Variants in CNTNAP2 observed in about 807,000 individuals in gnomAD.
CNTNAP2 encodes contactin-associated protein-like 2.
CNTNAP2 carries 98 observed loss-of-function variants against 155.2 expected under a neutral mutation model. The observed-to-expected ratio is 0.63, with a 90% CI of 0.54 to 0.75. CNTNAP2 has a LOEUF of 0.75. CNTNAP2 is among the 30% of genes least tolerant of loss of function. The probability of loss-of-function intolerance (pLI) is 0.00; values close to 1 mark genes in which losing one functional copy is unlikely to be tolerated. For missense variants in CNTNAP2, 1,727 were observed against 1,688.1 expected, an observed-to-expected ratio of 1.02 and a Z score of -0.40; for synonymous variants, 651 against 631.2, an observed-to-expected ratio of 1.03 and a Z score of -0.47.
At chr7:147,965,213 A>G (rs1652066720) in intron 14 of CNTNAP2, among the ~76,000 whole-genome samples, 1 of 152,176 alleles carries the variant, frequency 6.6e-6, no homozygotes, top group Non-Finnish European at 1.5e-5. Context: ...ACAAAGTTCT[A>G]TGCTGCCTAT....
At chr7:147,193,680 G>A (rs528698253) in intron 8 of CNTNAP2, among the ~76,000 whole-genome samples, 2 of 152,104 alleles carry the variant, frequency 1.3e-5, no homozygotes, top group Non-Finnish European at 2.9e-5. Flanking sequence ...AGAAACAAGA[G>A]CCAGGAAATA....
Position 148,006,256 on chromosome 7 carries a change from T to C in CNTNAP2, c.2383+28267T>C, listed in dbSNP as rs188132114. Among the ~76,000 whole-genome samples the C allele has an allele frequency of 2.0e-5, 3 of 151,532 alleles. No homozygotes were observed. In the East Asian group the frequency reaches 5.8e-4, roughly 29 times the overall value. On this transcript the variant is annotated intron_variant, in intron 15 of 23. Coordinates refer to ENST00000361727, the MANE Select transcript of CNTNAP2 (RefSeq NM_014141.6). ...ATAGAGAATATGAAAGAAAAAACAA[T>C]ACTCTGTGAGAAATAGCCTAGTAGC...
chr7:146,981,044 TGTA>T (rs1798005519), intron 3 of CNTNAP2, among the ~76,000 whole-genome samples: 1 of 152,134 alleles, frequency 6.6e-6, no homozygotes, highest in African/African-American at 2.4e-5. Flanking sequence ...AGCCAAAAAA[TGTA>T]GTTGGTAGAA....
intron 1 of CNTNAP2, among the ~76,000 whole-genome samples, chr7:146,469,338 C>A (rs2129126259): frequency 6.6e-6 from 1 of 151,852 alleles, no homozygotes; most frequent in South Asian, 2.1e-4. Context: ...GTCCCAGAGA[C>A]TGCTCCCCAA....
chr7:147,024,256 T>C (rs1427804832), intron 3 of CNTNAP2, among the ~76,000 whole-genome samples: 2 of 152,210 alleles, frequency 1.3e-5, no homozygotes, highest in Non-Finnish European at 1.5e-5. Context: ...TTTTGGGTAA[T>C]TGAACATCTA....
At chr7:148,007,665 T>C (rs1232595586) in intron 15 of CNTNAP2, among the ~76,000 whole-genome samples, 2 of 152,196 alleles carry the variant, frequency 1.3e-5, no homozygotes, top group Non-Finnish European at 2.9e-5. Context: ...GTGGTAGGAA[T>C]GTGTCAATAG....
chr7:147,449,131 T>C (rs1246621242), intron 10 of CNTNAP2, among the ~76,000 whole-genome samples: 1 of 151,944 alleles, frequency 6.6e-6, no homozygotes, highest in South Asian at 2.1e-4. Flanking sequence ...AAAACACTCA[T>C]ATACCTATTG....
intron 10 of CNTNAP2, among the ~76,000 whole-genome samples, chr7:147,397,938 C>A (rs1464359447): frequency 6.6e-6 from 1 of 151,934 alleles, no homozygotes; most frequent in African/African-American, 2.4e-5. Flanking sequence ...ATTTTCTAAA[C>A]CCATTATGGG....
chr7:146,482,996 G>T (rs911326910), intron 1 of CNTNAP2, among the ~76,000 whole-genome samples: 2 of 151,028 alleles, frequency 1.3e-5, no homozygotes, highest in Non-Finnish European at 1.5e-5. Flanking sequence ...TATTTTTAAG[G>T]CCGGGTGCGG....
intron 1 of CNTNAP2, among the ~76,000 whole-genome samples, chr7:146,510,201 T>C (rs1797445974): frequency 6.6e-6 from 1 of 152,200 alleles, no homozygotes; most frequent in Non-Finnish European, 1.5e-5. Flanking sequence ...ATATTTCTCA[T>C]AGACAACAGT....
chr7:146,233,377 C>G (rs1799417813), intron 1 of CNTNAP2, among the ~76,000 whole-genome samples: 1 of 152,010 alleles, frequency 6.6e-6, no homozygotes, highest in Admixed American at 6.6e-5. Context: ...TTTTTCAAGT[C>G]TAAAGAACAG....
chr7:147,991,282 A>C (rs1801706401), intron 15 of CNTNAP2, among the ~76,000 whole-genome samples: 1 of 152,230 alleles, frequency 6.6e-6, no homozygotes, highest in South Asian at 2.1e-4. Context: ...TGAGGCACTC[A>C]GACATGTGTT....
chr7:147,877,699 T>C (rs1799446047), intron 13 of CNTNAP2, among the ~76,000 whole-genome samples: 1 of 152,180 alleles, frequency 6.6e-6, no homozygotes, highest in Non-Finnish European at 1.5e-5. Context: ...AATTACAAAT[T>C]AGAGATACTA....
chr7:148,334,642 C>T (rs1174398682), intron 21 of CNTNAP2, among the ~76,000 whole-genome samples: 3 of 152,180 alleles, frequency 2.0e-5, no homozygotes, highest in Non-Finnish European at 4.4e-5. Context: ...TAGTTGTGAC[C>T]GCAGAAAGCA....
chr7:147,211,478 T>C (rs1603455), intron 8 of CNTNAP2, among the ~76,000 whole-genome samples: 10,701 of 151,930 alleles, frequency 0.07, 398 homozygotes, highest in Non-Finnish European at 0.089. Flanking sequence ...CATAGACCAA[T>C]AGAAGAGAAC....
intron 1 of CNTNAP2, among the ~76,000 whole-genome samples, chr7:146,323,924 A>G (rs1043301033): frequency 2.0e-5 from 3 of 152,152 alleles, no homozygotes; most frequent in African/African-American, 4.8e-5. Flanking sequence ...CTTTGATGTA[A>G]TGGACATCCC....
chr7:147,477,028 A>G (rs1374055107), intron 10 of CNTNAP2, among the ~76,000 whole-genome samples: 1 of 151,834 alleles, frequency 6.6e-6, no homozygotes, highest in Non-Finnish European at 1.5e-5. Flanking sequence ...TAAAACAAGT[A>G]TGTTACATAT....
intron 8 of CNTNAP2, among the ~76,000 whole-genome samples, chr7:147,286,488 T>C (rs917254475): frequency 1.3e-5 from 2 of 151,864 alleles, no homozygotes; most frequent in Non-Finnish European, 2.9e-5. Context: ...AATGTTTAAA[T>C]AGAAAAAACG....
At chr7:148,053,768 C>T (rs940385220) in intron 15 of CNTNAP2, among the ~76,000 whole-genome samples, 5 of 151,908 alleles carry the variant, frequency 3.3e-5, no homozygotes, top group Admixed American at 1.3e-4. Context: ...GATTATAGAA[C>T]GAAAGGTAAT....
Sources: gnomAD v4.1 joint callset for allele counts (sites outside exome capture counted in the v4.1 genomes callset) on GRCh38, gnomAD v4.1.1 for gene constraint, MANE v1.5 for transcripts, NCBI Gene and HGNC (gene_info 2026-07-23, HGNC 2026-07-21) for gene names.